The following RRBP1 variants were observed in gnomAD, a reference collection of about 807,000 sequenced individuals.
The protein encoded by RRBP1 is ribosome binding protein 1.
Under a neutral mutation model 165.2 loss-of-function variants are expected in RRBP1, and 94 were observed. The observed-to-expected ratio is 0.57, with a 90% confidence interval of 0.48 to 0.68. The LOEUF (loss-of-function observed/expected upper bound fraction) is 0.68. Ranked by LOEUF, RRBP1 falls within the 30% of genes least tolerant of loss-of-function variation. The pLI is 0.00. For synonymous variants in RRBP1, 680 were observed against 714.5 expected (o/e 0.95, Z 0.77); for missense variants, 1,676 against 1,763.0 (o/e 0.95, Z 0.88).
chr20:17,650,305 G>A (rs539906445), intron 3 of RRBP1, among the ~76,000 whole-genome samples: 31 of 152,328 alleles, frequency 2.0e-4, no homozygotes, highest in African/African-American at 6.5e-4. Context: ...ATGGGCCTCT[G>A]AAATGCCTGT....
At position 17,618,860 on chromosome 20, in the gene RRBP1, T is replaced by C. The variant is rs2035853543; in HGVS notation, c.3676-181A>G. 7 of 605,002 alleles carry C rather than the reference T, an allele frequency of 1.2e-5. No individual in the cohort carries two copies. In the Middle Eastern group the frequency reaches 1.0e-3, roughly 90 times the overall value. 37.5% of individuals were successfully genotyped at this position (605,002 alleles called of 1,614,324 possible). A position where few individuals can be genotyped will look rare whatever the true frequency, so the allele number is the denominator to read the frequency against. ...GCTTCCTACAGCTACGATTTCTTTT[T>C]TGAGGACTTAGGAAGAATGGTGTTC... On this transcript the variant is annotated intron_variant, in intron 19 of 24. Transcript: ENST00000377813.
At chr20:17,677,083 A>C (rs1312066091) in intron 2 of RRBP1, among the ~76,000 whole-genome samples, 2 of 151,936 alleles carry the variant, frequency 1.3e-5, no homozygotes, top group African/African-American at 4.8e-5. Flanking sequence ...AAAAAAAAAA[A>C]ATTCCACTTT....
chr20:17,620,678 C>T, intron 17 of RRBP1, 37 bp downstream of exon 17: 1 of 1,510,702 alleles, frequency 6.6e-7, no homozygotes, highest in Non-Finnish European at 9.1e-7. Context: ...GCTTCATGTG[C>T]TCCACGGCGC....
chr20:17,614,251 G>C lies in RRBP1; in HGVS notation c.4195-31C>G, dbSNP rs749367599. On this transcript the variant is annotated intron_variant, in intron 24 of 24. Coordinates refer to ENST00000377813, the MANE Select transcript of RRBP1 (RefSeq NM_001365613.2). ...AACGAAGGCAGGTGGCGTGAGGGGG[G>C]CTGGGCCACGAGCCATGGCAGAACC... 1.8e-5 allele frequency: 29 copies of C among 1,609,296 alleles called. No individual in the cohort carries two copies. The African/African-American group carries it at 3.6e-4, about 20-fold the overall frequency.
intron 2 of RRBP1, among the ~76,000 whole-genome samples, chr20:17,663,317 C>T (rs1315060030): frequency 6.6e-6 from 1 of 152,242 alleles, no homozygotes. Flanking sequence ...TTTAATCTTA[C>T]TCAACATAGG....
At chr20:17,654,345 C>G (rs1341967103) in intron 3 of RRBP1, among the ~76,000 whole-genome samples, 2 of 152,182 alleles carry the variant, frequency 1.3e-5, no homozygotes, top group Non-Finnish European at 2.9e-5. Context: ...TGCTGCTCCC[C>G]CAGTGAGAAG....
chr20:17,665,376 CTTTT>C (rs773880675), intron 2 of RRBP1, among the ~76,000 whole-genome samples: 1 of 152,010 alleles, frequency 6.6e-6, no homozygotes, highest in Non-Finnish European at 1.5e-5. Flanking sequence ...TTGGTTTATT[CTTTT>C]TGTTTTTTTG....
intron 3 of RRBP1, among the ~76,000 whole-genome samples, chr20:17,647,842 T>G (rs1159244242): frequency 6.6e-6 from 1 of 152,088 alleles, no homozygotes; most frequent in Non-Finnish European, 1.5e-5. Context: ...CTGCACGGGG[T>G]GACTCCAGAC....
intron 2 of RRBP1, among the ~76,000 whole-genome samples, chr20:17,665,319 T>A (rs977985655): frequency 8.5e-5 from 13 of 152,218 alleles, no homozygotes; most frequent in Non-Finnish European, 1.5e-4. Flanking sequence ...TTTGGTAACA[T>A]TTTTTGACTA....
Position 17,633,469 on chromosome 20 carries a change from C to T in RRBP1, c.2601G>A (p.Leu867=). The T allele has an allele frequency of 3.7e-6, 6 of 1,613,450 alleles. No homozygotes were observed. In the South Asian group the frequency reaches 5.5e-5, roughly 15 times the overall value. The part of the protein sequence containing the change: ...AKAAAFEKQV[L]QLQASHRESE... The stretch of plus-strand genomic sequence containing the variant: ...CACTGCCCCGACTCACCTGCAGCTG[C>T]AGGACCTGCTTCTCGAAGGCAGCTG... The change falls in exon 8 of 25, where the codon CTG becomes CTA. Residue 867 remains leucine, a synonymous_variant. Coordinates refer to ENST00000377813, the MANE Select transcript of RRBP1 (RefSeq NM_001365613.2).
intron 3 of RRBP1, among the ~76,000 whole-genome samples, chr20:17,645,221 C>T (rs527490291): frequency 6.1e-4 from 93 of 152,308 alleles, no homozygotes; most frequent in Admixed American, 5.6e-3. Context: ...TCTAGGACGC[C>T]GCTTCCTGCA....
chr20:17,620,415 G>A (rs746458052), intron 17 of RRBP1, 45 bp from the exon 18 acceptor site: 97 of 1,547,702 alleles, frequency 6.3e-5, no homozygotes, highest in African/African-American at 2.9e-4. Context: ...GCACCTGGGG[G>A]TGTCTCCTTC....
intron 3 of RRBP1, among the ~76,000 whole-genome samples, chr20:17,657,961 C>T (rs1057073111): frequency 3.9e-5 from 6 of 152,222 alleles, no homozygotes; most frequent in South Asian, 2.1e-4. Context: ...GCAAGAACAT[C>T]GAACAGGCTG....
intron 22 of RRBP1, 91 bp downstream of exon 22, chr20:17,615,835 A>G: frequency 8.6e-7 from 1 of 1,161,892 alleles, no homozygotes; most frequent in South Asian, 1.4e-5. Context: ...TGCTGGGCAC[A>G]GCCGAGCGGG....
At chr20:17,672,202 C>T (rs1182700246) in intron 2 of RRBP1, among the ~76,000 whole-genome samples, 5 of 152,184 alleles carry the variant, frequency 3.3e-5, no homozygotes, top group Admixed American at 2.0e-4. Context: ...ACTATTGGTT[C>T]GTTTTTAGGA....
At chr20:17,615,048 T>C (rs1182657548) in intron 23 of RRBP1, among the ~76,000 whole-genome samples, 168 bp from the exon 24 acceptor site, 1 of 152,158 alleles carries the variant, frequency 6.6e-6, no homozygotes, top group Non-Finnish European at 1.5e-5. Context: ...AAACCGCCCA[T>C]GCTGACCGTG....
At chr20:17,638,438 G>A (rs6044926) in intron 5 of RRBP1, among the ~76,000 whole-genome samples, 4,131 of 152,232 alleles carry the variant, frequency 0.027, 198 homozygotes, top group African/African-American at 0.092. Context: ...GGCAGGCCTC[G>A]TGCAGTTCCA....
rs549291568 is a variant in RRBP1, at chr20:17,678,146, T to C, written c.-22+1853A>G. 1.1e-4 allele frequency among the ~76,000 whole-genome samples: 17 copies of C among 152,360 alleles called. No homozygotes were observed. The South Asian group carries it at 3.3e-3, about 30-fold the overall frequency. On this transcript the variant is annotated intron_variant, in intron 2 of 24. Transcript: ENST00000377813. ...GTTTTGGGGGTGTCTGGTTGTCTGC[T>C]TCAGGAGACTCGGCCAGAATTTGTC...
chr20:17,622,991 C>T (rs1275765826), intron 13 of RRBP1: 1 of 152,232 alleles, frequency 6.6e-6, no homozygotes, highest in East Asian at 1.9e-4. Flanking sequence ...CCTGGCTGGC[C>T]AAGTTATCCA....
Sources: gnomAD v4.1 joint callset for allele counts (sites outside exome capture counted in the v4.1 genomes callset) on GRCh38, gnomAD v4.1.1 for gene constraint, MANE v1.5 for transcripts, NCBI Gene and HGNC (gene_info 2026-07-23, HGNC 2026-07-21) for gene names.